The following LOC128462377 variants were observed in gnomAD, a reference collection of about 807,000 sequenced individuals.
At chr16:89,323,070 T>G in the LOC128462377 span, 1 of 303,444 alleles carries the variant, frequency 3.3e-6, no homozygotes, top group East Asian at 1.1e-4. Context: ...GTCTGAAGGA[T>G]GCTTTACGGC....
chr16:89,412,884 GCAGAGGA>G, the LOC128462377 span, among the ~76,000 whole-genome samples: 1 of 152,158 alleles, frequency 6.6e-6, no homozygotes. Context: ...TCCCAGGTCA[GCAGAGGA>G]CAGAGGACAG....
the LOC128462377 span, among the ~76,000 whole-genome samples, chr16:89,382,539 C>T: frequency 6.6e-6 from 1 of 152,030 alleles, no homozygotes; most frequent in African/African-American, 2.4e-5. Context: ...GTTGGCCAGG[C>T]TGGTCTCGAA....
the LOC128462377 span, among the ~76,000 whole-genome samples, chr16:89,409,690 A>G: frequency 1.3e-5 from 2 of 152,154 alleles, no homozygotes; most frequent in African/African-American, 4.8e-5. Context: ...TCGTGTTACT[A>G]AAAGTTTCCA....
At chr16:89,384,123 G>C in the LOC128462377 span, among the ~76,000 whole-genome samples, 7 of 152,216 alleles carry the variant, frequency 4.6e-5, no homozygotes, top group Non-Finnish European at 1.0e-4. Flanking sequence ...AGGAGGCCGA[G>C]GCAGGGAGAG....
At chr16:89,353,573 G>A in the LOC128462377 span, among the ~76,000 whole-genome samples, 4 of 151,810 alleles carry the variant, frequency 2.6e-5, no homozygotes, top group Non-Finnish European at 4.4e-5. Context: ...CGCCTTCCGG[G>A]TTCAAGCAAT....
At chr16:89,339,548 C>G in the LOC128462377 span, among the ~76,000 whole-genome samples, 7,279 of 152,200 alleles carry the variant, frequency 0.048, 627 homozygotes, top group African/African-American at 0.17. Context: ...TAGACGAACC[C>G]TCAATTTATT....
chr16:89,367,655 C>T, the LOC128462377 span, among the ~76,000 whole-genome samples: 18 of 152,120 alleles, frequency 1.2e-4, no homozygotes, highest in African/African-American at 3.9e-4. Context: ...CTCCCTTGAC[C>T]AGGAAAGCTC....
At chr16:89,390,782 T>C in the LOC128462377 span, among the ~76,000 whole-genome samples, 1 of 152,124 alleles carries the variant, frequency 6.6e-6, no homozygotes, top group Non-Finnish European at 1.5e-5. Flanking sequence ...GTAATGGTTG[T>C]CTAACTCTGG....
At chr16:89,356,812 A>C in the LOC128462377 span, among the ~76,000 whole-genome samples, 1 of 151,910 alleles carries the variant, frequency 6.6e-6, no homozygotes, top group Non-Finnish European at 1.5e-5. Flanking sequence ...AGAAAAAAAA[A>C]GAACGTAATG....
chr16:89,331,089 G>A, the LOC128462377 span, among the ~76,000 whole-genome samples: 1 of 152,080 alleles, frequency 6.6e-6, no homozygotes, highest in Non-Finnish European at 1.5e-5. Context: ...GAGTAGCTGG[G>A]ACTACAGGTG....
At chr16:89,337,687 G>A in the LOC128462377 span, among the ~76,000 whole-genome samples, 145 of 152,050 alleles carry the variant, frequency 9.5e-4, 1 homozygote, top group Middle Eastern at 3.4e-3. Context: ...GGATCCACCC[G>A]CCTCGGCCTC....
the LOC128462377 span, among the ~76,000 whole-genome samples, chr16:89,354,029 G>C: frequency 6.6e-6 from 1 of 152,082 alleles, no homozygotes; most frequent in African/African-American, 2.4e-5. Flanking sequence ...TAATTGATGG[G>C]AGCCAGAGCA....
the LOC128462377 span, among the ~76,000 whole-genome samples, chr16:89,415,530 C>A: frequency 1.3e-5 from 2 of 151,950 alleles, no homozygotes; most frequent in East Asian, 3.9e-4. Flanking sequence ...TCCCAAAGTG[C>A]TGGGATTACA....
At chr16:89,368,132 A>T in the LOC128462377 span, among the ~76,000 whole-genome samples, 4 of 152,184 alleles carry the variant, frequency 2.6e-5, no homozygotes, top group African/African-American at 9.6e-5. Flanking sequence ...TGGTTTAAAA[A>T]ATAAGTCCTA....
the LOC128462377 span, among the ~76,000 whole-genome samples, chr16:89,317,659 A>G: frequency 2.0e-5 from 3 of 151,842 alleles, no homozygotes; most frequent in Admixed American, 2.0e-4. Flanking sequence ...CGAGGTCCCA[A>G]CTCCACGCCC....
At chr16:89,371,596 A>G in the LOC128462377 span, among the ~76,000 whole-genome samples, 1 of 152,094 alleles carries the variant, frequency 6.6e-6, no homozygotes, top group Non-Finnish European at 1.5e-5. Flanking sequence ...CGCTCCCCAC[A>G]TTCAAGGGTG....
At chr16:89,324,324 C>T in the LOC128462377 span, 29 of 1,244,584 alleles carry the variant, frequency 2.3e-5, no homozygotes, top group East Asian at 5.6e-5. Flanking sequence ...ACACAGCAGT[C>T]GGGGCGACGT....
chr16:89,331,879 G>C, the LOC128462377 span, among the ~76,000 whole-genome samples: 1 of 151,726 alleles, frequency 6.6e-6, no homozygotes. Flanking sequence ...GTTTGGTTCC[G>C]GGTTAACGGG....
chr16:89,402,525 T>G, the LOC128462377 span, among the ~76,000 whole-genome samples: 72 of 151,052 alleles, frequency 4.8e-4, no homozygotes, highest in Non-Finnish European at 8.0e-4. Context: ...AGAAAAACAT[T>G]TAAAAATTGC....
Sources: gnomAD v4.1 joint callset for allele counts (sites outside exome capture counted in the v4.1 genomes callset) on GRCh38, gnomAD v4.1.1 for gene constraint, MANE v1.5 for transcripts.